The following TXNDC16 variants were observed in gnomAD, a reference collection of about 807,000 sequenced individuals.
The protein encoded by TXNDC16 is thioredoxin domain-containing protein 16.
A neutral mutation model predicts 85.6 loss-of-function variants in TXNDC16; 74 were observed. That is an observed-to-expected ratio of 0.86 (90% confidence interval 0.72 to 1.05). The LOEUF (loss-of-function observed/expected upper bound fraction) is 1.05. Ranked by LOEUF, TXNDC16 falls within the 50% of genes least tolerant of loss-of-function variation. The pLI, the probability that TXNDC16 is intolerant of heterozygous loss-of-function variation, is 0.00. For synonymous variants in TXNDC16, 335 were observed against 326.5 expected (o/e 1.03, Z -0.28); for missense variants, 959 against 947.0 (o/e 1.01, Z -0.17).
In TXNDC16 at chr14:52,519,232, T is replaced by C. The variant is rs28593180; in HGVS notation, c.454A>G (p.Asn152Asp). Residue 152 changes from asparagine to aspartate, a missense_variant, in exon 7 of 21, where the codon AAT (asparagine) becomes GAT (aspartate). Physicochemically the swap from Asn to Asp is conservative, Grantham distance 23. Transcript: ENST00000281741. ...ATATTTGCTTTTCCTTTCAGAGCAT[T>C]TTCTATGTTCTGAAGGTCTTCCAGG... ...TNLEDLQNIE[N>D]ALKGKANIIF... 4.4e-6 allele frequency: 7 copies of C among 1,608,442 alleles called. 1 individual carries two copies. In the South Asian group the frequency reaches 6.6e-5, roughly 15 times the overall value.
intron 20 of TXNDC16, among the ~76,000 whole-genome samples, chr14:52,438,731 C>T (rs2035092745): frequency 6.6e-6 from 1 of 152,078 alleles, no homozygotes; most frequent in Non-Finnish European, 1.5e-5. Flanking sequence ...AACAATAATG[C>T]ACTATTTGTA....
At chr14:52,507,974 C>T (rs898132518) in intron 9 of TXNDC16, among the ~76,000 whole-genome samples, 2 of 152,132 alleles carry the variant, frequency 1.3e-5, no homozygotes, top group African/African-American at 2.4e-5. Flanking sequence ...AGAAGAAAAC[C>T]TAGGCAATAC....
At chr14:52,528,825 A>G (rs1341892538) in intron 6 of TXNDC16, among the ~76,000 whole-genome samples, 1 of 142,720 alleles carries the variant, frequency 7.0e-6, no homozygotes, top group East Asian at 2.0e-4. Context: ...TATATATTAT[A>G]CCTAGGTATA....
chr14:52,488,283 A>T (rs1479841951), intron 12 of TXNDC16, 80 bp downstream of exon 12: 6 of 1,533,282 alleles, frequency 3.9e-6, no homozygotes, highest in Non-Finnish European at 5.3e-6. Context: ...ATTCTTGGAG[A>T]AAGTTAATCC....
At chr14:52,463,048 T>C in intron 16 of TXNDC16, 1 of 449,950 alleles carries the variant, frequency 2.2e-6, no homozygotes, top group Non-Finnish European at 4.4e-6. Flanking sequence ...AAGTTCATAC[T>C]ACCTACAATA....
At chr14:52,455,662 A>C (rs182486728) in intron 17 of TXNDC16, among the ~76,000 whole-genome samples, 200 bp from the exon 18 acceptor site, 2 of 152,310 alleles carry the variant, frequency 1.3e-5, no homozygotes, top group African/African-American at 4.8e-5. Context: ...GATCTATAAC[A>C]AACTAGATTT....
intron 6 of TXNDC16, among the ~76,000 whole-genome samples, chr14:52,520,389 C>T (rs140153381): frequency 0.014 from 2,068 of 152,148 alleles, 45 homozygotes; most frequent in African/African-American, 0.046. Flanking sequence ...TTTGGGAGGC[C>T]GAGGCGGGCG....
chr14:52,503,472 T>A (rs2036712529), intron 9 of TXNDC16, among the ~76,000 whole-genome samples: 1 of 152,146 alleles, frequency 6.6e-6, no homozygotes, highest in South Asian at 2.1e-4. Context: ...GGGTCTGGAG[T>A]GGACCTCCAG....
intron 9 of TXNDC16, among the ~76,000 whole-genome samples, chr14:52,510,731 G>C (rs151121598): frequency 3.7e-4 from 57 of 152,148 alleles, no homozygotes; most frequent in African/African-American, 1.3e-3. Context: ...TCAACTTTTC[G>C]GAGAGAACAG....
chr14:52,509,517 C>A lies in TXNDC16; in HGVS notation c.756+1723G>T, dbSNP rs571240868. 4.6e-5 allele frequency among the ~76,000 whole-genome samples: 7 copies of A among 151,646 alleles called. No individual in the cohort carries two copies. In the East Asian group the frequency reaches 7.8e-4, roughly 17 times the overall value. ...CTTTAAAAAAAAAATTACTTGTAGTCAAAATGCAACCACAGAAAAAAGTTA... is the reference window on the plus strand; with the variant it reads ...CTTTAAAAAAAAAATTACTTGTAGTAAAAATGCAACCACAGAAAAAAGTTA... On this transcript the variant is annotated intron_variant, in intron 9 of 20. Transcript: ENST00000281741.
At chr14:52,529,588 C>T (rs1407156011) in intron 6 of TXNDC16, among the ~76,000 whole-genome samples, 3 of 85,042 alleles carry the variant, frequency 3.5e-5, no homozygotes, top group African/African-American at 5.5e-5. Flanking sequence ...ATATATAATG[C>T]CTATTATATA....
rs766495997 is a variant in TXNDC16 at position 52,470,104 on chromosome 14, T to A, written c.1551A>T (p.Leu517Phe). The A allele has an allele frequency of 1.1e-5, 18 of 1,611,178 alleles. No homozygotes were observed. The African/African-American group carries it at 2.3e-4, about 20-fold the overall frequency. ...QEAEEYLSGE[L>F]YKDLILYSSV... ...TAGAATACAAGATGAGGTCTTTATATAATTCCCCACTTAAATATTCTTCTG... is the reference window on the plus strand; with the variant it reads ...TAGAATACAAGATGAGGTCTTTATAAAATTCCCCACTTAAATATTCTTCTG... The change falls in exon 16 of 21, where the codon TTA (leucine) becomes TTT (phenylalanine). Residue 517 changes from leucine to phenylalanine, a missense_variant. Physicochemically the swap from Leu to Phe is conservative, Grantham distance 22. Transcript: ENST00000281741.
chr14:52,445,902 C>T (rs1320206562), intron 18 of TXNDC16, among the ~76,000 whole-genome samples: 1 of 152,038 alleles, frequency 6.6e-6, no homozygotes, highest in Non-Finnish European at 1.5e-5. Flanking sequence ...AGAAGATATC[C>T]TCGTTAAGTG....
At chr14:52,501,721 C>T (rs959141948) in intron 9 of TXNDC16, among the ~76,000 whole-genome samples, 10 of 152,106 alleles carry the variant, frequency 6.6e-5, no homozygotes, top group African/African-American at 2.4e-4. Flanking sequence ...GTTAACTATA[C>T]CATCAAAGGG....
intron 6 of TXNDC16, among the ~76,000 whole-genome samples, chr14:52,529,527 T>A (rs1416731623): frequency 9.5e-6 from 1 of 105,202 alleles, no homozygotes; most frequent in Non-Finnish European, 1.9e-5. Flanking sequence ...TTATATATAT[T>A]ATATATAATG....
At chr14:52,522,919 G>A (rs1428434881) in intron 6 of TXNDC16, among the ~76,000 whole-genome samples, 2 of 151,996 alleles carry the variant, frequency 1.3e-5, no homozygotes, top group Non-Finnish European at 2.9e-5. Flanking sequence ...AAGTTCATGG[G>A]GCTTAAAGAG....
rs57407287 is a variant in TXNDC16 at position 52,515,669 on chromosome 14, ATGTGTGTGTGTG to A, written c.515-711_515-700del. The stretch of plus-strand genomic sequence containing the variant: ...TATCTCAACTCTTTATTTCATACAT[ATGTGTGTGTGTG>A]TGTGTGTGTGTGTGTGTGTGTGTGT... On this transcript the variant is annotated intron_variant, in intron 7 of 20. Coordinates refer to ENST00000281741, the MANE Select transcript of TXNDC16 (RefSeq NM_020784.3). Among the ~76,000 whole-genome samples the A allele has an allele frequency of 1.6e-3, 238 of 144,342 alleles. 2 individuals carry two copies. Among genetic ancestry groups the A allele is most frequent in the East Asian group, 2.6e-3 (13 of 4,986 alleles). The allele number at this position is 144,342 out of a possible 152,430, so 94.7% of individuals were successfully genotyped here.
chr14:52,441,794 CTT>C (rs1280634334), intron 18 of TXNDC16, among the ~76,000 whole-genome samples: 4 of 152,172 alleles, frequency 2.6e-5, no homozygotes, highest in African/African-American at 9.7e-5. Context: ...CCACTGCACT[CTT>C]TTTATCTTAG....
rs141157679 is a variant in TXNDC16 at position 52,531,096 on chromosome 14, A to G, written c.392+5623T>C. The stretch of plus-strand genomic sequence containing the variant: ...AACATCCTCCACATCATAAGTCATC[A>G]GGGAAATGCAAATTAAAACAACAAA... On this transcript the variant is annotated intron_variant, in intron 6 of 20. Coordinates refer to ENST00000281741, the MANE Select transcript of TXNDC16 (RefSeq NM_020784.3). Among the ~76,000 whole-genome samples the G allele has an allele frequency of 3.0e-3, 460 of 152,226 alleles. 2 individuals are homozygous for G. Among genetic ancestry groups the G allele is most frequent in the African/African-American group, 0.011 (442 of 41,552 alleles).
Sources: gnomAD v4.1 joint callset for allele counts (sites outside exome capture counted in the v4.1 genomes callset) on GRCh38, gnomAD v4.1.1 for gene constraint, MANE v1.5 for transcripts, NCBI Gene and HGNC (gene_info 2026-07-23, HGNC 2026-07-21) for gene names.